Variants in PCDHGA2 observed in about 807,000 individuals in gnomAD.
The protein encoded by PCDHGA2 is protocadherin gamma-A2.
PCDHGA2 carries 40 observed loss-of-function variants against 59.2 expected under a neutral mutation model. The ratio of observed to expected loss-of-function variants is 0.68; its 90% CI spans 0.52 to 0.88. The LOEUF (loss-of-function observed/expected upper bound fraction) is 0.88, where lower values mean the gene tolerates loss of function less well. Among genes scored for constraint, PCDHGA2 ranks in the 40% least tolerant of loss-of-function variants. The pLI, the probability that PCDHGA2 is intolerant of heterozygous loss-of-function variation, is 0.00. For synonymous variants in PCDHGA2, 560 were observed against 526.0 expected (o/e 1.06, Z -0.89); for missense variants, 1,226 against 1,204.0 (o/e 1.02, Z -0.27).
chr5:141,390,392 C>A, intron 1 of PCDHGA2: 1 of 1,390,890 alleles, frequency 7.2e-7, no homozygotes. Flanking sequence ...TGTCATGGAT[C>A]ATTTTAGGAA....
intron 1 of PCDHGA2, chr5:141,350,940 TCCGAGTTACGGATG>T: frequency 6.2e-7 from 1 of 1,614,094 alleles, no homozygotes; most frequent in Non-Finnish European, 8.5e-7. Context: ...CATATCTGGA[TCCGAGTTACGGATG>T]CCAATGATAA....
intron 1 of PCDHGA2, among the ~76,000 whole-genome samples, chr5:141,358,328 A>G (rs1257521000): frequency 1.3e-5 from 2 of 152,318 alleles, no homozygotes; most frequent in East Asian, 1.9e-4. Flanking sequence ...TCATGAAGCT[A>G]TTGTTGGATC....
intron 1 of PCDHGA2, among the ~76,000 whole-genome samples, chr5:141,481,731 A>G (rs1339022274): frequency 6.6e-6 from 1 of 152,060 alleles, no homozygotes; most frequent in African/African-American, 2.4e-5. Context: ...AGGCGGGCGG[A>G]TCACGAGGTC....
At position 141,487,276 on chromosome 5, in the gene PCDHGA2, C is replaced by G; in HGVS notation, c.2425-7531C>G. On this transcript the variant is annotated intron_variant, in intron 1 of 3. Coordinates refer to ENST00000394576, the MANE Select transcript of PCDHGA2 (RefSeq NM_018915.4). The surrounding 1 kb of genome is among the most constrained non-coding windows in gnomAD (Gnocchi z 5.0). ...TGGCTGTGTCCCTAGTGGCAATTTG[C>G]TTTGTCTCCTTTGGCTCATTCGTGG... 1 of 1,614,158 alleles carries G rather than the reference C, an allele frequency of 6.2e-7. No homozygotes were observed. The highest frequency in any genetic ancestry group is 1.1e-5 in the South Asian group (1 of 91,082).
chr5:141,474,289 T>C (rs11956411), intron 1 of PCDHGA2, among the ~76,000 whole-genome samples: 31,178 of 152,120 alleles, frequency 0.2, 3,304 homozygotes, highest in Admixed American at 0.31. Context: ...ACCCACTAGA[T>C]CAGTGCTTGT....
rs1008039711 is a variant in PCDHGA2 at position 141,394,856 on chromosome 5, G to C, written c.2424+53461G>C. 4 of 1,613,674 alleles carry C rather than the reference G, an allele frequency of 2.5e-6. No individual in the cohort carries two copies. In the African/African-American group the frequency reaches 5.3e-5, roughly 22 times the overall value. On this transcript the variant is annotated intron_variant, in intron 1 of 3. Coordinates refer to ENST00000394576, the MANE Select transcript of PCDHGA2 (RefSeq NM_018915.4). ...CCGAGTTGGGCAGTCTGAAGCCTTC[G>C]GTCGACCCGAACGATTCGAGCCTTA... is the stretch of plus-strand genomic sequence containing the variant.
In PCDHGA2 at chr5:141,431,150, C is replaced by A. The variant is rs1007532359; in HGVS notation, c.2425-63657C>A. On this transcript the variant is annotated intron_variant, in intron 1 of 3. Transcript: ENST00000394576. The surrounding 1 kb of genome is among the most constrained non-coding windows in gnomAD (Gnocchi z 4.8). ...AGTAAGGGACATTAACGACAATGCGCCTTACTTTCGTGAAAGTGAATTAGA... is the reference window on the plus strand; with the variant it reads ...AGTAAGGGACATTAACGACAATGCGACTTACTTTCGTGAAAGTGAATTAGA... The A allele has an allele frequency of 1.2e-6, 2 of 1,614,226 alleles. No individual in the cohort carries two copies. The highest frequency in any genetic ancestry group is 1.7e-6 in the Non-Finnish European group (2 of 1,180,030).
chr5:141,355,560 G>A, intron 1 of PCDHGA2: 1 of 1,614,024 alleles, frequency 6.2e-7, no homozygotes, highest in Admixed American at 1.7e-5. Flanking sequence ...TGCGGGTAGA[G>A]GTGGAAATAA....
intron 1 of PCDHGA2, chr5:141,423,114 A>G: frequency 1.9e-6 from 3 of 1,613,848 alleles, no homozygotes; most frequent in Non-Finnish European, 1.7e-6. Context: ...AGGTGCGTAC[A>G]GCGCGGGCAC....
At chr5:141,430,573 A>T (rs938248057) in intron 1 of PCDHGA2, 2 of 449,056 alleles carry the variant, frequency 4.5e-6, no homozygotes, top group Non-Finnish European at 7.6e-6. Flanking sequence ...AGAAAAGCGG[A>T]GATCCTGCTC....
intron 1 of PCDHGA2, chr5:141,430,769 G>T: frequency 6.6e-7 from 1 of 1,508,212 alleles, no homozygotes; most frequent in Non-Finnish European, 8.9e-7. Context: ...AATGATTCCT[G>T]CGCGACTGCA....
rs779317191 is a variant in PCDHGA2, at chr5:141,432,553, C to G, written c.2425-62254C>G. The G allele has an allele frequency of 2.6e-5, 42 of 1,613,748 alleles. No individual in the cohort carries two copies. The highest frequency in any genetic ancestry group is 2.0e-4 in the South Asian group (18 of 91,068). The stretch of plus-strand genomic sequence containing the variant: ...AGGTGGTGGCGGTGGACAGAGACTC[C>G]GGCCAGAACGCCTGGCTGTCCTACC... On this transcript the variant is annotated intron_variant, in intron 1 of 3. Coordinates refer to ENST00000394576, the MANE Select transcript of PCDHGA2 (RefSeq NM_018915.4). The surrounding 1 kb of genome is among the most constrained non-coding windows in gnomAD (Gnocchi z 6.0).
chr5:141,453,302 T>C (rs189741118), intron 1 of PCDHGA2, among the ~76,000 whole-genome samples: 18 of 152,008 alleles, frequency 1.2e-4, no homozygotes, highest in Middle Eastern at 6.8e-3. Flanking sequence ...TTTATTTATT[T>C]ATTTATTTAT....
Position 141,364,369 on chromosome 5 carries a change from G to A in PCDHGA2, c.2424+22974G>A, listed in dbSNP as rs561217831. The A allele has an allele frequency of 3.3e-5, 52 of 1,567,648 alleles. 1 individual carries two copies. Among genetic ancestry groups the A allele is most frequent in the Non-Finnish European group, 3.6e-5 (42 of 1,158,852 alleles). Reference sequence around the variant, plus strand: ...CTAGGGGCTGGGGCTGCGGAGAGCTGCTGCTGCCCTTCATGCTCCTGGGGA... The same window carrying A: ...CTAGGGGCTGGGGCTGCGGAGAGCTACTGCTGCCCTTCATGCTCCTGGGGA... On this transcript the variant is annotated intron_variant, in intron 1 of 3. Coordinates refer to ENST00000394576, the MANE Select transcript of PCDHGA2 (RefSeq NM_018915.4).
chr5:141,350,828 G>C, intron 1 of PCDHGA2: 1 of 1,614,010 alleles, frequency 6.2e-7, no homozygotes, highest in Non-Finnish European at 8.5e-7. Flanking sequence ...TAAATATCCG[G>C]TATTACTGCT....
At chr5:141,455,160 G>GT (rs59530096) in intron 1 of PCDHGA2, among the ~76,000 whole-genome samples, 26,536 of 149,098 alleles carry the variant, frequency 0.18, 2,386 homozygotes, top group South Asian at 0.23. Flanking sequence ...TAGTTTGTTG[G>GT]TTTTTTTTTT....
At position 141,362,271 on chromosome 5, in the gene PCDHGA2, C is replaced by A. The variant is rs183808051; in HGVS notation, c.2424+20876C>A. On this transcript the variant is annotated intron_variant, in intron 1 of 3. Coordinates refer to ENST00000394576, the MANE Select transcript of PCDHGA2 (RefSeq NM_018915.4). Reference sequence around the variant, plus strand: ...TCCTCGCGGTGATTCTGGCAATCTCCCTGCGCCTGCGACTCTCTTCCAGGT... The same window carrying A: ...TCCTCGCGGTGATTCTGGCAATCTCACTGCGCCTGCGACTCTCTTCCAGGT... 9.6e-4 allele frequency: 1,557 copies of A among 1,614,030 alleles called. 12 individuals carry two copies. The African/African-American group carries it at 0.01, about 10-fold the overall frequency.
At chr5:141,373,548 A>G (rs546721232) in intron 1 of PCDHGA2, among the ~76,000 whole-genome samples, 5 of 152,332 alleles carry the variant, frequency 3.3e-5, no homozygotes, top group African/African-American at 9.6e-5. Context: ...GGTTGTTGGT[A>G]CCCTTACTGA....
At chr5:141,468,330 C>CAAAAAAAAAAAA (rs533390277) in intron 1 of PCDHGA2, 1 of 79,864 alleles carries the variant, frequency 1.3e-5, no homozygotes, top group African/African-American at 3.9e-5. Context: ...AACTCCATCT[C>CAAAAAAAAAAAA]AAAAAAAAAA....
Sources: gnomAD v4.1 joint callset for allele counts (sites outside exome capture counted in the v4.1 genomes callset) on GRCh38, gnomAD v4.1.1 for gene constraint, Gnocchi (gnomAD v3.1) non-coding constraint, MANE v1.5 for transcripts, NCBI Gene and HGNC (gene_info 2026-07-23, HGNC 2026-07-21) for gene names.